The following PASK variants were observed in gnomAD, a reference collection of about 807,000 sequenced individuals.
The protein encoded by PASK is PAS domain containing serine/threonine kinase, also known as PAS domain-containing serine/threonine-protein kinase.
Under a neutral mutation model 121.0 loss-of-function variants are expected in PASK, and 110 were observed. The observed-to-expected ratio is 0.91, with a 90% CI of 0.78 to 1.06. PASK has a LOEUF of 1.06. Among genes scored for constraint, PASK ranks in the 50% least tolerant of loss-of-function variants. PASK has a pLI of 0.00. For missense variants in PASK, 1,643 were observed against 1,702.3 expected (o/e 0.97, Z 0.61); for synonymous variants, 686 against 717.8 (o/e 0.96, Z 0.71).
intron 2 of PASK, among the ~76,000 whole-genome samples, chr2:241,141,872 C>T (rs1455142663): frequency 6.6e-6 from 1 of 152,170 alleles, no homozygotes; most frequent in African/African-American, 2.4e-5. Flanking sequence ...CACTCTCGCC[C>T]CTGCTCTTCC....
chr2:241,107,429 C>T lies in PASK; in HGVS notation c.3738G>A (p.Val1246=). 1 of 1,614,030 alleles carries T rather than the reference C, an allele frequency of 6.2e-7. No homozygotes were observed. Among genetic ancestry groups the T allele is most frequent in the Non-Finnish European group, 8.5e-7 (1 of 1,179,870 alleles). ...PERRTTLEKL[V]TDPWVTQPVN... is the part of the protein sequence containing the mutation. ...CAGGCTGTGTTACCCACGGGTCTGT[C>T]ACCAGCTTCTCCAAGGTGGTGCGTC... The change falls in exon 17 of 18, where the codon GTG becomes GTA. Residue 1246 remains valine (V), a synonymous_variant. Coordinates refer to ENST00000234040, the MANE Select transcript of PASK (RefSeq NM_015148.4).
Position 241,108,331 on chromosome 2 carries a change from C to A in PASK, c.3534-31G>T. On this transcript the variant is annotated intron_variant, in intron 15 of 17. Coordinates refer to ENST00000234040, the MANE Select transcript of PASK (RefSeq NM_015148.4). This position sits in a 1 kb window ranked among gnomAD's most constrained non-coding sequence, Gnocchi z 5.2. ...AGGAGGAGGAGGCATCAGGACGCCA[C>A]GGCACTCAGCGCAGGCTTGCCAAGC... 1 of 1,612,714 alleles carries A rather than the reference C, an allele frequency of 6.2e-7. No homozygotes were observed. The highest frequency in any genetic ancestry group is 8.5e-7 in the Non-Finnish European group (1 of 1,179,444).
At position 241,127,092 on chromosome 2, in the gene PASK, A is replaced by G. The variant is rs2065903248; in HGVS notation, c.1823T>C (p.Met608Thr). 1 of 1,614,036 alleles carries G rather than the reference A, an allele frequency of 6.2e-7. No individual in the cohort carries two copies. The highest frequency in any genetic ancestry group is 8.5e-7 in the Non-Finnish European group (1 of 1,180,002). Residue 608 changes from methionine (M) to threonine (T), a missense_variant, in exon 10 of 18, where the codon ATG (methionine) becomes ACG (threonine). Coordinates refer to ENST00000234040, the MANE Select transcript of PASK (RefSeq NM_015148.4). ...KGQLAGGSLL[M>T]HCPCYGSEWG... Reference sequence around the variant, plus strand: ...TTCACTCCCATAGCAAGGGCAGTGCATCAGGAGGCTGCCCCCCGCCAGCTG... The same window carrying G: ...TTCACTCCCATAGCAAGGGCAGTGCGTCAGGAGGCTGCCCCCCGCCAGCTG...
chr2:241,134,814 CT>C (rs1381243617), intron 8 of PASK: 1 of 152,394 alleles, frequency 6.6e-6, no homozygotes. Flanking sequence ...CCTGACACCC[CT>C]GCCACACCAT....
upstream of PASK, chr2:241,150,085 C>T: frequency 1.6e-6 from 2 of 1,271,370 alleles, no homozygotes; most frequent in Non-Finnish European, 2.0e-6. Flanking sequence ...CACCTTGCAG[C>T]CACGGAAAGA....
rs2064985179 is a variant in PASK, at chr2:241,108,649, C to T, written c.3534-349G>A. On this transcript the variant is annotated intron_variant, in intron 15 of 17. Transcript: ENST00000234040. This position sits in a 1 kb window ranked among gnomAD's most constrained non-coding sequence, Gnocchi z 5.2. Reference sequence around the variant, plus strand: ...CGTCCATTGGCTTTGCTGAGGGCCACGGGAGCTGCAGGCCACTTCAGAACA... The same window carrying T: ...CGTCCATTGGCTTTGCTGAGGGCCATGGGAGCTGCAGGCCACTTCAGAACA... 1.6e-5 allele frequency: 6 copies of T among 386,040 alleles called. No individual in the cohort carries two copies. Among genetic ancestry groups the T allele is most frequent in the South Asian group, 8.3e-5 (4 of 48,426 alleles). 23.9% of individuals were successfully genotyped at this position (386,040 alleles called of 1,614,324 possible). A position where few individuals can be genotyped will look rare whatever the true frequency, so the allele number is the denominator to read the frequency against.
intron 12 of PASK, among the ~76,000 whole-genome samples, chr2:241,121,213 G>GATGGGT: frequency 6.6e-6 from 1 of 152,338 alleles, no homozygotes; most frequent in Non-Finnish European, 1.5e-5. Flanking sequence ...ACTGACTACT[G>GATGGGT]ATGGGTATGA....
intron 17 of PASK, among the ~76,000 whole-genome samples, 198 bp from the exon 18 acceptor site, chr2:241,106,921 T>C (rs1252089826): frequency 6.6e-6 from 1 of 152,204 alleles, no homozygotes; most frequent in Non-Finnish European, 1.5e-5. Context: ...TTGGTCCAAA[T>C]GCTCTGAGCA....
At position 241,126,831 on chromosome 2, in the gene PASK, G is replaced by A. The variant is rs764883930; in HGVS notation, c.2084C>T (p.Ser695Leu). The change falls in exon 10 of 18, where the codon TCG (serine) becomes TTG (leucine). Residue 695 changes from serine to leucine, a missense_variant. Coordinates refer to ENST00000234040, the MANE Select transcript of PASK (RefSeq NM_015148.4). ...GTCTCTGCCTCCCAGATCGCAGGAC[G>A]ACACAGGAGCGGTGACAGCCTGGCA... ...TECQAVTAPV[S>L]SCDLGGRDLC... 26 of 1,613,030 alleles carry A rather than the reference G, an allele frequency of 1.6e-5. No individual in the cohort carries two copies. The highest frequency in any genetic ancestry group is 1.3e-4 in the East Asian group (6 of 44,874).
intron 2 of PASK, among the ~76,000 whole-genome samples, chr2:241,142,502 C>T (rs2074832): frequency 0.013 from 1,980 of 152,322 alleles, 78 homozygotes; most frequent in East Asian, 0.11. Flanking sequence ...GCTGCAATTC[C>T]CTAAGTAAAA....
intron 14 of PASK, chr2:241,114,823 G>A: frequency 6.9e-7 from 1 of 1,458,590 alleles, no homozygotes; most frequent in Non-Finnish European, 9.0e-7. Flanking sequence ...AGTCATTCCA[G>A]GACTGTATCT....
intron 10 of PASK, 49 bp from the exon 11 acceptor site, chr2:241,124,182 G>T: frequency 6.6e-7 from 1 of 1,512,366 alleles, no homozygotes; most frequent in South Asian, 1.1e-5. Flanking sequence ...GACCTGGCTA[G>T]ACAGCAGCTT....
In PASK at chr2:241,108,625, G is replaced by A. The variant is rs529664049; in HGVS notation, c.3534-325C>T. 116 of 419,760 alleles carry A rather than the reference G, an allele frequency of 2.8e-4. No individual in the cohort carries two copies. The highest frequency in any genetic ancestry group is 7.4e-4 in the Middle Eastern group (1 of 1,344). The allele number at this position is 419,760 out of a possible 1,614,324, so 26.0% of individuals were successfully genotyped here. A position where few individuals can be genotyped will look rare whatever the true frequency, so the allele number is the denominator to read the frequency against. ...GCTTCCTGGAGGAAGCAGAGTACACGTCCATTGGCTTTGCTGAGGGCCACG... is the reference window on the plus strand; with the variant it reads ...GCTTCCTGGAGGAAGCAGAGTACACATCCATTGGCTTTGCTGAGGGCCACG... On this transcript the variant is annotated intron_variant, in intron 15 of 17. Transcript: ENST00000234040. This position sits in a 1 kb window ranked among gnomAD's most constrained non-coding sequence, Gnocchi z 5.2.
chr2:241,120,881 G>A (rs7580558), intron 12 of PASK, among the ~76,000 whole-genome samples: 20,898 of 152,180 alleles, frequency 0.14, 2,248 homozygotes, highest in African/African-American at 0.3. Context: ...ATTGTTCATA[G>A]AAGCATTATT....
intron 12 of PASK, among the ~76,000 whole-genome samples, chr2:241,115,646 CA>C (rs1183882290): frequency 1.3e-5 from 2 of 149,328 alleles, no homozygotes; most frequent in Non-Finnish European, 3.0e-5. Context: ...CCCATTACAC[CA>C]GGGACACCCG....
chr2:241,119,471 T>A (rs925445617), intron 12 of PASK, among the ~76,000 whole-genome samples: 4 of 147,818 alleles, frequency 2.7e-5, no homozygotes, highest in Non-Finnish European at 4.5e-5. Flanking sequence ...GATGCTTCTT[T>A]TTTTTTTTTT....
At chr2:241,133,201 G>A (rs2066248767) in intron 8 of PASK, 171 bp from the exon 9 acceptor site, 1 of 692,084 alleles carries the variant, frequency 1.4e-6, no homozygotes, top group Non-Finnish European at 2.6e-6. Flanking sequence ...TCTGCCTCCT[G>A]TCTCCCTGCT....
intron 12 of PASK, among the ~76,000 whole-genome samples, chr2:241,117,956 GAAC>G (rs59727671): frequency 0.037 from 5,601 of 152,088 alleles, 357 homozygotes; most frequent in African/African-American, 0.13. Context: ...CTTAACAAAA[GAAC>G]AACAAGACTT....
intron 7 of PASK, 68 bp downstream of exon 7, chr2:241,136,936 A>G: frequency 6.8e-7 from 1 of 1,471,688 alleles, no homozygotes. Flanking sequence ...GCCACACGCA[A>G]GCCCGCACTG....
Sources: gnomAD v4.1 joint callset for allele counts (sites outside exome capture counted in the v4.1 genomes callset) on GRCh38, gnomAD v4.1.1 for gene constraint, Gnocchi (gnomAD v3.1) non-coding constraint, MANE v1.5 for transcripts, NCBI Gene and HGNC (gene_info 2026-07-23, HGNC 2026-07-21) for gene names.